CAST: variants seen among roughly 807,000 people sequenced by gnomAD.
CAST encodes the protein MIR583 host.
Under a neutral mutation model 119.6 loss-of-function variants are expected in CAST, and 76 were observed. That is an observed-to-expected ratio of 0.64 (90% CI 0.53 to 0.77). The LOEUF (loss-of-function observed/expected upper bound fraction) is 0.77. Ranked by LOEUF, CAST falls within the 30% of genes least tolerant of loss-of-function variation. CAST has a pLI of 0.00. For synonymous variants in CAST, 319 were observed against 331.6 expected, an observed-to-expected ratio of 0.96 and a Z score of 0.41; for missense variants, 953 against 946.5, an observed-to-expected ratio of 1.01 and a Z score of -0.09.
At chr5:96,425,045 AAAG>A in the CAST span, among the ~76,000 whole-genome samples, 7,658 of 143,988 alleles carry the variant, frequency 0.053, 349 homozygotes, top group East Asian at 0.15. Context: ...AGAAAGAAAG[AAAG>A]AAAGAAAGAA....
chr5:96,002,995 G>A, the CAST span, among the ~76,000 whole-genome samples: 1 of 152,008 alleles, frequency 6.6e-6, no homozygotes, highest in African/African-American at 2.4e-5. Flanking sequence ...CAGCACTTTG[G>A]GAGGCCAAGG....
upstream of CAST, among the ~76,000 whole-genome samples, chr5:96,522,078 T>G (rs1745526798): frequency 6.6e-6 from 1 of 151,842 alleles, no homozygotes; most frequent in South Asian, 2.1e-4. Context: ...CTCGTGCTAC[T>G]GCACTCCAGC....
intron 1 of CAST, among the ~76,000 whole-genome samples, chr5:96,539,875 C>A (rs1745881521): frequency 6.6e-6 from 1 of 152,118 alleles, no homozygotes; most frequent in East Asian, 1.9e-4. Flanking sequence ...AGTCTACCAC[C>A]TTGTTTTCTA....
intron 1 of CAST, among the ~76,000 whole-genome samples, chr5:96,575,844 T>G (rs555507599): frequency 6.6e-6 from 1 of 152,132 alleles, no homozygotes; most frequent in African/African-American, 2.4e-5. Context: ...GGTCACACTA[T>G]GTTGCCCAGG....
At chr5:96,045,593 A>C in the CAST span, among the ~76,000 whole-genome samples, 12 of 152,294 alleles carry the variant, frequency 7.9e-5, no homozygotes, top group Non-Finnish European at 1.5e-4. Flanking sequence ...CTAATAATAA[A>C]ATAAATGTAA....
At chr5:95,961,898 C>T in the CAST span, 2 of 807,794 alleles carry the variant, frequency 2.5e-6, no homozygotes, top group African/African-American at 1.8e-5. Context: ...CCGCCCCACC[C>T]TCCGGCCCCG....
rs769408598 is a variant in CAST, at chr5:96,762,283, G to C, written c.1843G>C (p.Asp615His). The C allele has an allele frequency of 1.2e-6, 2 of 1,601,518 alleles. No homozygotes were observed. The highest frequency in any genetic ancestry group is 1.7e-6 in the Non-Finnish European group (2 of 1,176,462). ...PQNASSLKFEDAKLAAAISEV... is the reference protein window; with the variant it reads ...PQNASSLKFEHAKLAAAISEV... Reference sequence around the variant, plus strand: ...TTTTTTTCAATAAAAGAAATTTGAAGATGCTAAACTTGCTGCTGCCATCTC... The same window carrying C: ...TTTTTTTCAATAAAAGAAATTTGAACATGCTAAACTTGCTGCTGCCATCTC... The change falls in exon 25 of 32, where the codon GAT (aspartate) becomes CAT (histidine). Residue 615 changes from aspartate to histidine, a missense_variant. Asp to His is a moderately conservative substitution (Grantham distance 81, BLOSUM62 -1). Transcript: ENST00000675179.
the CAST span, among the ~76,000 whole-genome samples, chr5:96,172,181 T>A: frequency 6.6e-6 from 1 of 152,116 alleles, no homozygotes; most frequent in African/African-American, 2.4e-5. Context: ...GATCACAAGG[T>A]GCTCAGTTGG....
the CAST span, among the ~76,000 whole-genome samples, chr5:96,010,173 A>G: frequency 1.1e-4 from 16 of 152,180 alleles, no homozygotes; most frequent in Admixed American, 9.8e-4. Context: ...TTGTATAAGC[A>G]CCACGCTTTT....
chr5:96,633,882 C>G (rs566072005), intron 1 of CAST, among the ~76,000 whole-genome samples: 1 of 152,162 alleles, frequency 6.6e-6, no homozygotes, highest in South Asian at 2.1e-4. Context: ...TCAGGCCTTC[C>G]CCTGTTAAAA....
chr5:96,599,342 G>A (rs569817696), intron 1 of CAST, among the ~76,000 whole-genome samples: 1 of 152,112 alleles, frequency 6.6e-6, no homozygotes, highest in African/African-American at 2.4e-5. Flanking sequence ...CAATGCAGGT[G>A]GTATGATTTC....
At chr5:96,321,860 A>C in the CAST span, among the ~76,000 whole-genome samples, 1 of 152,202 alleles carries the variant, frequency 6.6e-6, no homozygotes, top group South Asian at 2.1e-4. Flanking sequence ...CTTCAGGTCC[A>C]TTGTTATTAT....
intron 1 of CAST, among the ~76,000 whole-genome samples, chr5:96,562,530 G>A (rs558168883): frequency 2.0e-4 from 30 of 152,068 alleles, no homozygotes; most frequent in Non-Finnish European, 4.1e-4. Flanking sequence ...CATACTGGGC[G>A]GGAGTACAAA....
chr5:96,574,026 CT>C (rs758414012), intron 1 of CAST, among the ~76,000 whole-genome samples: 1 of 6,850 alleles, frequency 1.5e-4, no homozygotes, highest in Non-Finnish European at 2.2e-4. Context: ...TGCCCACTTT[CT>C]TTTTTTTTTT....
chr5:95,985,671 T>C, the CAST span, among the ~76,000 whole-genome samples: 1 of 152,226 alleles, frequency 6.6e-6, no homozygotes, highest in Non-Finnish European at 1.5e-5. Context: ...CCTTTTAAGA[T>C]ACAGTCAGTG....
chr5:96,772,764 A>T lies in CAST; in HGVS notation c.*148A>T, dbSNP rs1183395451. 6.5e-6 allele frequency: 1 copy of T among 152,762 alleles called. No individual in the cohort carries two copies. The highest frequency in any genetic ancestry group is 6.5e-5 in the Admixed American group (1 of 15,272). The allele number at this position is 152,762 out of a possible 1,614,324, so 9.5% of individuals were successfully genotyped here. A position where few individuals can be genotyped will look rare whatever the true frequency, so the allele number is the denominator to read the frequency against. ...TTTTTGTTGAGTCTCTGAACATCCT[A>T]AATATTGGTTTGTTATTCTTTTCCA... On this transcript the variant is annotated 3_prime_UTR_variant, in exon 32 of 32. Coordinates refer to ENST00000675179, the MANE Select transcript of CAST (RefSeq NM_001750.7).
intron 1 of CAST, among the ~76,000 whole-genome samples, chr5:96,633,047 C>A (rs1045990657): frequency 6.6e-6 from 1 of 152,184 alleles, no homozygotes; most frequent in Non-Finnish European, 1.5e-5. Flanking sequence ...TCTCAGCTCA[C>A]TGAAACTTCT....
the CAST span, among the ~76,000 whole-genome samples, chr5:96,504,110 G>A: frequency 6.6e-6 from 1 of 152,030 alleles, no homozygotes; most frequent in Non-Finnish European, 1.5e-5. Context: ...TTGAATGCAC[G>A]GCCTATGACA....
chr5:96,433,010 A>C, the CAST span: 1 of 1,614,202 alleles, frequency 6.2e-7, no homozygotes, highest in East Asian at 2.2e-5. Context: ...GGACGAAAGC[A>C]GTGCACTGCA....
Sources: gnomAD v4.1 joint callset for allele counts (sites outside exome capture counted in the v4.1 genomes callset) on GRCh38, gnomAD v4.1.1 for gene constraint, MANE v1.5 for transcripts, NCBI Gene and HGNC (gene_info 2026-07-23, HGNC 2026-07-21) for gene names.